The following VEGFC variants were observed in gnomAD, a reference collection of about 807,000 sequenced individuals.
The protein encoded by VEGFC is FLT4 ligand DHM.
Under a neutral mutation model 46.1 loss-of-function variants are expected in VEGFC, and 12 were observed. That is an observed-to-expected ratio of 0.26 (90% CI 0.17 to 0.42). VEGFC has a LOEUF of 0.42. Among genes scored for constraint, VEGFC ranks in the 10% least tolerant of loss-of-function variants. The pLI is 1.00. For synonymous variants in VEGFC, 232 were observed against 195.5 expected (o/e 1.19, Z -1.56); for missense variants, 488 against 529.4 (o/e 0.92, Z 0.77).
chr4:176,792,045 CTT>C lies in VEGFC; in HGVS notation c.147+118_147+119del. 7.7e-7 allele frequency: 1 copy of C among 1,294,428 alleles called. No homozygotes were observed. The highest frequency in any genetic ancestry group is 9.9e-7 in the Non-Finnish European group (1 of 1,005,110). 80.2% of individuals were successfully genotyped at this position (1,294,428 alleles called of 1,614,324 possible). A position where few individuals can be genotyped will look rare whatever the true frequency, so the allele number is the denominator to read the frequency against. ...AAGCAGCGTGCACTGAGCTCAGTAA[CTT>C]TGGATCCCACGTACACAAGCTTAAA... On this transcript the variant is annotated intron_variant, in intron 1 of 6. Transcript: ENST00000618562. The surrounding 1 kb of genome is among the most constrained non-coding windows in gnomAD (Gnocchi z 6.3).
intron 4 of VEGFC, among the ~76,000 whole-genome samples, chr4:176,704,542 C>T (rs192542455): frequency 7.2e-5 from 11 of 152,230 alleles, no homozygotes; most frequent in East Asian, 1.9e-4. Context: ...GTATTTCAAA[C>T]GTCTTTTCCA....
intron 3 of VEGFC, among the ~76,000 whole-genome samples, chr4:176,725,392 C>T (rs1002828685): frequency 6.6e-6 from 1 of 152,160 alleles, no homozygotes; most frequent in Admixed American, 6.5e-5. Context: ...CAGCCCTGAA[C>T]TCCTGGGCTC....
chr4:176,757,499 C>T (rs984753584), intron 1 of VEGFC, among the ~76,000 whole-genome samples: 20 of 151,924 alleles, frequency 1.3e-4, no homozygotes, highest in African/African-American at 4.4e-4. Context: ...GAAAGCAAGA[C>T]TCATACTGCT....
intron 1 of VEGFC, among the ~76,000 whole-genome samples, chr4:176,758,049 A>C (rs1735464352): frequency 6.6e-6 from 1 of 152,078 alleles, no homozygotes; most frequent in Non-Finnish European, 1.5e-5. Flanking sequence ...TTTGTAAATT[A>C]CTCATTCATT....
intron 1 of VEGFC, among the ~76,000 whole-genome samples, chr4:176,754,801 A>G (rs1270864313): frequency 2.6e-5 from 4 of 152,108 alleles, no homozygotes; most frequent in Non-Finnish European, 5.9e-5. Flanking sequence ...TCAAAAAACT[A>G]TCTATCTATA....
chr4:176,737,153 A>G (rs982889841), intron 1 of VEGFC, among the ~76,000 whole-genome samples: 18 of 150,294 alleles, frequency 1.2e-4, no homozygotes, highest in Admixed American at 2.0e-4. Flanking sequence ...ACCAACATTG[A>G]AAAAGAAATG....
At chr4:176,702,211 G>A (rs946529571) in intron 4 of VEGFC, among the ~76,000 whole-genome samples, 2 of 152,116 alleles carry the variant, frequency 1.3e-5, no homozygotes, top group Non-Finnish European at 2.9e-5. Context: ...CCTAGTAAGT[G>A]TAACTTCTTG....
chr4:176,709,095 A>G (rs985404766), intron 4 of VEGFC, among the ~76,000 whole-genome samples: 1 of 152,172 alleles, frequency 6.6e-6, no homozygotes, highest in Non-Finnish European at 1.5e-5. Flanking sequence ...ATAGGATAGT[A>G]GTTATATGAA....
At chr4:176,720,560 T>G (rs1489336574) in intron 3 of VEGFC, among the ~76,000 whole-genome samples, 1 of 152,092 alleles carries the variant, frequency 6.6e-6, no homozygotes, top group Non-Finnish European at 1.5e-5. Context: ...GGAATAAGAC[T>G]GGGTGCAGTG....
At chr4:176,730,742 T>C (rs1466975568) in intron 1 of VEGFC, among the ~76,000 whole-genome samples, 2 of 152,142 alleles carry the variant, frequency 1.3e-5, no homozygotes, top group African/African-American at 4.8e-5. Flanking sequence ...AGTTTTCCTG[T>C]CTAATTTTTG....
At chr4:176,736,261 A>G (rs1735051264) in intron 1 of VEGFC, among the ~76,000 whole-genome samples, 1 of 151,862 alleles carries the variant, frequency 6.6e-6, no homozygotes, top group African/African-American at 2.4e-5. Context: ...TAAAATGCCC[A>G]TATTTTGTAT....
At chr4:176,726,325 A>T (rs1366807673) in intron 3 of VEGFC, among the ~76,000 whole-genome samples, 1 of 152,184 alleles carries the variant, frequency 6.6e-6, no homozygotes, top group African/African-American at 2.4e-5. Context: ...CTGTGCTTTT[A>T]GGAAATAATC....
intron 3 of VEGFC, among the ~76,000 whole-genome samples, chr4:176,716,584 G>GAA (rs57274087): frequency 0.024 from 1,066 of 43,730 alleles, 89 homozygotes; most frequent in African/African-American, 0.094. Flanking sequence ...CTCCCTCTCC[G>GAA]AAAAAAAAAA....
At chr4:176,732,007 T>C (rs1036915569) in intron 1 of VEGFC, among the ~76,000 whole-genome samples, 7 of 151,968 alleles carry the variant, frequency 4.6e-5, no homozygotes, top group Non-Finnish European at 8.8e-5. Context: ...AGAAAAGCTA[T>C]TATATTTATA....
chr4:176,740,169 A>G (rs1735138689), intron 1 of VEGFC, among the ~76,000 whole-genome samples: 1 of 125,692 alleles, frequency 8.0e-6, no homozygotes, highest in African/African-American at 3.2e-5. Context: ...TATAGAATAT[A>G]TATAACTATA....
At chr4:176,714,000 C>T (rs1337452474) in intron 3 of VEGFC, among the ~76,000 whole-genome samples, 3 of 152,102 alleles carry the variant, frequency 2.0e-5, no homozygotes, top group East Asian at 1.9e-4. Context: ...GCAGTGGAGA[C>T]GGGGGACAAG....
At position 176,740,659 on chromosome 4, in the gene VEGFC, C is replaced by T. The variant is rs139201515; in HGVS notation, c.148-10913G>A. On this transcript the variant is annotated intron_variant, in intron 1 of 6. Coordinates refer to ENST00000618562, the MANE Select transcript of VEGFC (RefSeq NM_005429.5). ...TACTCACATTATTTTCTAGATGTGGCTCCAAATAACTTATTTTAGATTTGC... is the reference window on the plus strand; with the variant it reads ...TACTCACATTATTTTCTAGATGTGGTTCCAAATAACTTATTTTAGATTTGC... Among the ~76,000 whole-genome samples, 589 of 150,706 alleles carry T rather than the reference C, an allele frequency of 3.9e-3. 3 individuals are homozygous for T. Among genetic ancestry groups the T allele is most frequent in the African/African-American group, 0.013 (534 of 41,194 alleles).
At chr4:176,778,855 T>G (rs1343901118) in intron 1 of VEGFC, among the ~76,000 whole-genome samples, 2 of 152,064 alleles carry the variant, frequency 1.3e-5, no homozygotes, top group African/African-American at 4.8e-5. Context: ...ACTCGAGATA[T>G]TCCCCCTAAA....
At chr4:176,775,368 A>C (rs1735798029) in intron 1 of VEGFC, among the ~76,000 whole-genome samples, 1 of 152,216 alleles carries the variant, frequency 6.6e-6, no homozygotes, top group Non-Finnish European at 1.5e-5. Context: ...TTTTTAACCC[A>C]AAACCTTAAC....
Sources: gnomAD v4.1 joint callset for allele counts (sites outside exome capture counted in the v4.1 genomes callset) on GRCh38, gnomAD v4.1.1 for gene constraint, Gnocchi (gnomAD v3.1) non-coding constraint, MANE v1.5 for transcripts, NCBI Gene and HGNC (gene_info 2026-07-23, HGNC 2026-07-21) for gene names.